The following ST7 variants were observed in gnomAD, a reference collection of about 807,000 sequenced individuals.
The protein encoded by ST7 is suppression of tumorigenicity 7.
ST7 carries 28 observed loss-of-function variants against 78.7 expected under a neutral mutation model. The ratio of observed to expected loss-of-function variants is 0.36; its 90% CI spans 0.26 to 0.49. The LOEUF is 0.49. Ranked by LOEUF, ST7 falls within the 20% of genes least tolerant of loss-of-function variation. The probability of loss-of-function intolerance (pLI) is 0.99; values close to 1 mark genes in which losing one functional copy is unlikely to be tolerated. For synonymous variants in ST7, 247 were observed against 249.6 expected, an observed-to-expected ratio of 0.99 and a Z score of 0.10; for missense variants, 418 against 696.0, an observed-to-expected ratio of 0.60 and a Z score of 4.49.
chr7:117,043,192 G>A lies in ST7; in HGVS notation c.152-56570G>A, dbSNP rs144510398. Among the ~76,000 whole-genome samples the A allele has an allele frequency of 2.0e-4, 30 of 152,140 alleles. No individual in the cohort carries two copies. The East Asian group carries it at 3.7e-3, about 19-fold the overall frequency. ...ATTTTCTAGCTCTCTACTTCCTCAC[G>A]TCTGATTACAGCAATTTGGGGGAGG... On this transcript the variant is annotated intron_variant, in intron 1 of 15. Coordinates refer to ENST00000323984, the MANE Select transcript of ST7 (RefSeq NM_001369598.1).
intron 1 of ST7, among the ~76,000 whole-genome samples, chr7:117,074,145 C>T (rs376213369): frequency 2.0e-5 from 3 of 152,268 alleles, no homozygotes; most frequent in African/African-American, 2.4e-5. Flanking sequence ...AATCCCAGCA[C>T]GTTGGGAGGC....
intron 1 of ST7, among the ~76,000 whole-genome samples, chr7:117,039,278 T>A (rs748055529): frequency 5.3e-5 from 8 of 152,204 alleles, no homozygotes; most frequent in Non-Finnish European, 1.0e-4. Context: ...ACTTCTTTGC[T>A]ATATATTTAA....
intron 2 of ST7, among the ~76,000 whole-genome samples, chr7:117,101,132 G>A (rs1309793701): frequency 6.6e-6 from 1 of 152,226 alleles, no homozygotes; most frequent in East Asian, 1.9e-4. Context: ...GTGTGGGGAG[G>A]ATCTTTTTGT....
At chr7:117,202,643 CTT>C (rs1409640265) in intron 12 of ST7, among the ~76,000 whole-genome samples, 3 of 152,198 alleles carry the variant, frequency 2.0e-5, no homozygotes, top group African/African-American at 7.2e-5. Context: ...CTTTTTAAGA[CTT>C]TGCTAATTTC....
At chr7:117,006,191 T>C (rs1027162035) in intron 1 of ST7, among the ~76,000 whole-genome samples, 6 of 152,252 alleles carry the variant, frequency 3.9e-5, no homozygotes, top group Admixed American at 1.3e-4. Context: ...ACAGTGTCCA[T>C]ATCTTATTGG....
In ST7 at chr7:117,075,109, T is replaced by A. The variant is rs114513811; in HGVS notation, c.152-24653T>A. 5.0e-3 allele frequency among the ~76,000 whole-genome samples: 765 copies of A among 152,304 alleles called. 4 individuals are homozygous for A. The highest frequency in any genetic ancestry group is 0.018 in the African/African-American group (737 of 41,570). On this transcript the variant is annotated intron_variant, in intron 1 of 15. Transcript: ENST00000323984. ...GCTAATATGGTGAGGATAATTTTTATTCCTTCCTAAGGATTTTTGTGAGGA... is the reference window on the plus strand; with the variant it reads ...GCTAATATGGTGAGGATAATTTTTAATCCTTCCTAAGGATTTTTGTGAGGA...
rs150556054 is a variant in ST7 at position 117,222,950 on chromosome 7, G to A, written c.1638+888G>A. 1.3e-4 allele frequency: 214 copies of A among 1,613,750 alleles called. No individual in the cohort carries two copies. The East Asian group carries it at 2.3e-3, about 17-fold the overall frequency. On this transcript the variant is annotated intron_variant, in intron 15 of 15. Coordinates refer to ENST00000323984, the MANE Select transcript of ST7 (RefSeq NM_001369598.1). ...TTGAAGATGAACTGGAAATCCCTCC[G>A]GCACCTCAATCTCAACATTTCCAAA...
At chr7:117,172,666 A>T (rs1448925852) in intron 10 of ST7, among the ~76,000 whole-genome samples, 1 of 152,192 alleles carries the variant, frequency 6.6e-6, no homozygotes, top group Non-Finnish European at 1.5e-5. Flanking sequence ...GTAGGCAAAA[A>T]TCCTCGTATG....
intron 1 of ST7, among the ~76,000 whole-genome samples, chr7:116,970,549 C>T (rs538553801): frequency 1.3e-5 from 2 of 152,284 alleles, no homozygotes; most frequent in Admixed American, 6.5e-5. Flanking sequence ...CAAGCTTTCT[C>T]GTGTCTCTTC....
At chr7:117,036,466 T>A (rs1232703446) in intron 1 of ST7, among the ~76,000 whole-genome samples, 1 of 152,232 alleles carries the variant, frequency 6.6e-6, no homozygotes, top group African/African-American at 2.4e-5. Flanking sequence ...CGTATTTAGC[T>A]GACTGGGCTT....
chr7:117,196,624 C>CTTTTTTTTTTTTT (rs56133709), intron 12 of ST7, among the ~76,000 whole-genome samples: 1 of 59,518 alleles, frequency 1.7e-5, no homozygotes, highest in African/African-American at 6.5e-5. Flanking sequence ...GATTGTTGGG[C>CTTTTTTTTTTTTT]TTTTTTTTTT....
intron 1 of ST7, among the ~76,000 whole-genome samples, chr7:117,039,198 T>C (rs1281242122): frequency 6.6e-6 from 1 of 152,160 alleles, no homozygotes; most frequent in Non-Finnish European, 1.5e-5. Flanking sequence ...GGAACTAGAA[T>C]TGGAGGCCAA....
Position 116,959,554 on chromosome 7 carries a change from A to G in ST7, c.151+5863A>G, listed in dbSNP as rs1792713719. On this transcript the variant is annotated intron_variant, in intron 1 of 15. Transcript: ENST00000323984. ...AGTGAGCTGGGATTGGAACAATACA[A>G]TTGATCAAATGCATTACTGAGTATG... 1.2e-5 allele frequency: 3 copies of G among 246,076 alleles called. No homozygotes were observed. The South Asian group carries it at 1.5e-4, about 12-fold the overall frequency. 15.2% of individuals were successfully genotyped at this position (246,076 alleles called of 1,614,324 possible). A position where few individuals can be genotyped will look rare whatever the true frequency, so the allele number is the denominator to read the frequency against.
At chr7:117,029,388 C>A (rs952272576) in intron 1 of ST7, among the ~76,000 whole-genome samples, 9 of 151,874 alleles carry the variant, frequency 5.9e-5, no homozygotes, top group Admixed American at 1.3e-4. Flanking sequence ...ATTTGTGTAT[C>A]TTCTTTCGTT....
At chr7:117,193,132 AT>A (rs1476697034) in intron 12 of ST7, among the ~76,000 whole-genome samples, 2 of 143,120 alleles carry the variant, frequency 1.4e-5, no homozygotes, top group African/African-American at 5.8e-5. Context: ...TGTGCTCTAA[AT>A]ATCTAACTTT....
chr7:117,004,033 T>C (rs1795053672), intron 1 of ST7, among the ~76,000 whole-genome samples: 1 of 152,210 alleles, frequency 6.6e-6, no homozygotes, highest in African/African-American at 2.4e-5. Flanking sequence ...AATTTTATGG[T>C]ATCCCATTAA....
intron 13 of ST7, among the ~76,000 whole-genome samples, chr7:117,212,205 TTTTGCA>T (rs1401525516): frequency 1.4e-4 from 22 of 152,168 alleles, no homozygotes; most frequent in Non-Finnish European, 2.6e-4. Flanking sequence ...TTTACAGAGG[TTTTGCA>T]TTTACATCAT....
chr7:117,219,105 C>T lies in ST7; in HGVS notation c.1427C>T (p.Pro476Leu). The change falls in exon 14 of 16, where the codon CCC becomes CTC. Residue 476 changes from proline to leucine, a missense_variant. Coordinates refer to ENST00000323984, the MANE Select transcript of ST7 (RefSeq NM_001369598.1). This position sits in a 1 kb window ranked among gnomAD's most constrained non-coding sequence, Gnocchi z 5.1. ...TCAGCTTTTCGGATGATCCCTTATCCCTTGGAAAAGGGGCACCTATTTTAT... is the reference window on the plus strand; with the variant it reads ...TCAGCTTTTCGGATGATCCCTTATCTCTTGGAAAAGGGGCACCTATTTTAT... ...WEGTFRMIPYPLEKGHLFYPY... is the reference protein window; with the variant it reads ...WEGTFRMIPYLLEKGHLFYPY... 6.2e-7 allele frequency: 1 copy of T among 1,613,094 alleles called. No homozygotes were observed.
intron 1 of ST7, among the ~76,000 whole-genome samples, chr7:116,975,707 C>CT (rs1047221429): frequency 5.7e-4 from 81 of 141,364 alleles, no homozygotes; most frequent in East Asian, 8.3e-4. Flanking sequence ...CATGCCCAGC[C>CT]TTTTTTTTTT....
Sources: gnomAD v4.1 joint callset for allele counts (sites outside exome capture counted in the v4.1 genomes callset) on GRCh38, gnomAD v4.1.1 for gene constraint, Gnocchi (gnomAD v3.1) non-coding constraint, MANE v1.5 for transcripts, NCBI Gene and HGNC (gene_info 2026-07-23, HGNC 2026-07-21) for gene names.